The following CNOT1 variants were observed in gnomAD, a reference collection of about 807,000 sequenced individuals.
CNOT1 encodes CCR4-NOT transcription complex subunit 1.
Under a neutral mutation model 273.8 loss-of-function variants are expected in CNOT1, and 15 were observed. The ratio of observed to expected loss-of-function variants is 0.05; its 90% CI spans 0.04 to 0.08. The LOEUF (loss-of-function observed/expected upper bound fraction) is 0.08. Ranked by LOEUF, CNOT1 falls within the 10% of genes least tolerant of loss-of-function variation. The pLI is 1.00. For synonymous variants in CNOT1, 1,022 were observed against 1,005.5 expected (o/e 1.02, Z -0.31); for missense variants, 1,644 against 2,912.2 (o/e 0.56, Z 10.02).
chr16:58,538,703 A>C (rs1367037410), intron 36 of CNOT1, 69 bp downstream of exon 36: 1 of 1,587,814 alleles, frequency 6.3e-7, no homozygotes, highest in African/African-American at 1.3e-5. Context: ...CCTGGACATA[A>C]ACAGTACTAT....
chr16:58,585,634 T>A (rs927099222), intron 7 of CNOT1, 128 bp from the exon 8 acceptor site: 82 of 1,420,230 alleles, frequency 5.8e-5, no homozygotes, highest in Admixed American at 1.2e-4. Context: ...TTATTTCATT[T>A]TTCCAGCCTA....
At position 58,581,367 on chromosome 16, in the gene CNOT1, G is replaced by A. The variant is rs2041654000; in HGVS notation, c.1193C>T (p.Pro398Leu). 6.2e-7 allele frequency: 1 copy of A among 1,607,644 alleles called. No individual in the cohort carries two copies. The highest frequency in any genetic ancestry group is 1.7e-5 in the Admixed American group (1 of 58,298). ...EVFPVDLIYR[P>L]WKHAEGQLSF... ...CACCTGGCCTTCAGCATGTTTCCAAGGTCTATATATGAGGTCTACTGGGAA... is the reference window on the plus strand; with the variant it reads ...CACCTGGCCTTCAGCATGTTTCCAAAGTCTATATATGAGGTCTACTGGGAA... Residue 398 changes from proline (P) to leucine (L), a missense_variant, in exon 11 of 49, where the codon CCT becomes CTT. Pro to Leu is a moderately conservative substitution (Grantham distance 98). Coordinates refer to ENST00000317147, the MANE Select transcript of CNOT1 (RefSeq NM_016284.5).
chr16:58,527,303 C>T (rs1334097587), intron 44 of CNOT1, among the ~76,000 whole-genome samples: 10 of 151,728 alleles, frequency 6.6e-5, no homozygotes, highest in Non-Finnish European at 1.2e-4. Flanking sequence ...GCAGGCAGAT[C>T]GTGAGGTCAG....
chr16:58,546,611 TGTAA>T, intron 28 of CNOT1, 57 bp downstream of exon 28: 1 of 1,612,510 alleles, frequency 6.2e-7, no homozygotes, highest in Non-Finnish European at 8.5e-7. Context: ...CTGCCTTCAC[TGTAA>T]GTTTTAATAA....
At chr16:58,535,729 CTTTT>C (rs934094766) in intron 39 of CNOT1, among the ~76,000 whole-genome samples, 2 of 145,036 alleles carry the variant, frequency 1.4e-5, no homozygotes, top group Non-Finnish European at 3.1e-5. Flanking sequence ...AACCTAATTT[CTTTT>C]TTTTTTTTAA....
At chr16:58,601,755 G>A (rs1419684464) in intron 1 of CNOT1, among the ~76,000 whole-genome samples, 552 of 50,568 alleles carry the variant, frequency 0.011, 1 homozygote, top group Non-Finnish European at 0.018. Context: ...AAAAAAAAAA[G>A]CCTGTGCACG....
At chr16:58,538,708 T>C (rs2039991290) in intron 36 of CNOT1, 64 bp downstream of exon 36, 2 of 1,599,008 alleles carry the variant, frequency 1.3e-6, no homozygotes, top group South Asian at 2.2e-5. Flanking sequence ...ACATAAACAG[T>C]ACTATCTATG....
chr16:58,549,356 A>C (rs1017481920), intron 25 of CNOT1, among the ~76,000 whole-genome samples: 8 of 151,634 alleles, frequency 5.3e-5, no homozygotes, highest in African/African-American at 1.7e-4. Flanking sequence ...AATAATATCC[A>C]GGGGAGAAAA....
chr16:58,576,078 G>A (rs370432494), intron 14 of CNOT1, among the ~76,000 whole-genome samples: 1 of 151,894 alleles, frequency 6.6e-6, no homozygotes, highest in Non-Finnish European at 1.5e-5. Flanking sequence ...TATTCCTAGA[G>A]CATCTTTGTT....
chr16:58,568,781 T>C (rs1316050441), intron 16 of CNOT1, among the ~76,000 whole-genome samples: 1 of 152,052 alleles, frequency 6.6e-6, no homozygotes, highest in Admixed American at 6.6e-5. Flanking sequence ...AAGATTAGGT[T>C]TAAGAAAATC....
chr16:58,573,401 T>C (rs2041348411), intron 16 of CNOT1, among the ~76,000 whole-genome samples: 1 of 151,518 alleles, frequency 6.6e-6, no homozygotes, highest in African/African-American at 2.4e-5. Context: ...ACAATGTTAT[T>C]AAGACAGCAG....
rs1434493914 is a variant in CNOT1 at position 58,541,582 on chromosome 16, T to C, written c.4719A>G (p.Glu1573=). Residue 1573 remains glutamate, a synonymous_variant, in exon 34 of 49, where the codon GAA becomes GAG. Coordinates refer to ENST00000317147, the MANE Select transcript of CNOT1 (RefSeq NM_016284.5). ...GVDPKQLAVY[E]EFARNVPGFL... Reference sequence around the variant, plus strand: ...AGCCAGGAACATTGCGTGCAAACTCTTCGTAAACAGCCAACTGCTTTGGGT... The same window carrying C: ...AGCCAGGAACATTGCGTGCAAACTCCTCGTAAACAGCCAACTGCTTTGGGT... 1 of 1,613,876 alleles carries C rather than the reference T, an allele frequency of 6.2e-7. No individual in the cohort carries two copies. Among genetic ancestry groups the C allele is most frequent in the Non-Finnish European group, 8.5e-7 (1 of 1,179,854 alleles).
intron 33 of CNOT1, among the ~76,000 whole-genome samples, 189 bp downstream of exon 33, chr16:58,542,042 A>G (rs2040110556): frequency 6.6e-6 from 1 of 152,224 alleles, no homozygotes; most frequent in East Asian, 1.9e-4. Flanking sequence ...CTGGAGGAGC[A>G]AGGGAATTTA....
At chr16:58,548,314 G>A (rs567453173) in intron 25 of CNOT1, among the ~76,000 whole-genome samples, 3 of 152,146 alleles carry the variant, frequency 2.0e-5, no homozygotes, top group South Asian at 4.1e-4. Context: ...ACTAACATAG[G>A]AGAGTGTTTT....
At chr16:58,616,335 A>C (rs2043080658) in intron 1 of CNOT1, among the ~76,000 whole-genome samples, 1 of 110,906 alleles carries the variant, frequency 9.0e-6, no homozygotes, top group Non-Finnish European at 2.2e-5. Flanking sequence ...TGAACTCCTG[A>C]CCTCAGGTGA....
At chr16:58,556,051 C>T in intron 19 of CNOT1, 143 bp from the exon 20 acceptor site, 2 of 1,420,638 alleles carry the variant, frequency 1.4e-6, no homozygotes, top group South Asian at 1.5e-5. Context: ...GGTCAAGTTT[C>T]AGTATTAATG....
In CNOT1 at chr16:58,578,945, G is replaced by T; in HGVS notation, c.1344-6C>A. ...CAATCAAATCCAAGCTCTTCCTAAC[G>T]AGAAAGGAAGAAACATGCTTTATCA... On this transcript the variant is annotated splice_polypyrimidine_tract_variant and splice_region_variant and intron_variant, in intron 12 of 48. Coordinates refer to ENST00000317147, the MANE Select transcript of CNOT1 (RefSeq NM_016284.5). 1 of 1,611,920 alleles carries T rather than the reference G, an allele frequency of 6.2e-7. No homozygotes were observed. The highest frequency in any genetic ancestry group is 1.1e-5 in the South Asian group (1 of 90,996).
chr16:58,571,060 G>A (rs2041254012), intron 16 of CNOT1, among the ~76,000 whole-genome samples: 1 of 151,986 alleles, frequency 6.6e-6, no homozygotes, highest in Non-Finnish European at 1.5e-5. Context: ...TTCTCTAAAA[G>A]AGACCTACTT....
chr16:58,618,630 G>A (rs77791397), intron 1 of CNOT1, among the ~76,000 whole-genome samples: 1,936 of 147,168 alleles, frequency 0.013, 45 homozygotes, highest in African/African-American at 0.047. Flanking sequence ...CAGCCTGGGC[G>A]ACACAGAGAA....
Sources: allele counts gnomAD v4.1 joint callset (sites outside exome capture counted in the v4.1 genomes callset), GRCh38; gene constraint gnomAD v4.1.1; transcripts MANE v1.5; gene names NCBI Gene and HGNC (gene_info 2026-07-23, HGNC 2026-07-21).